EFCAB5: variants seen among roughly 807,000 people sequenced by gnomAD.
EFCAB5 encodes EF-hand calcium-binding domain-containing protein 5.
Under a neutral mutation model 167.9 loss-of-function variants are expected in EFCAB5, and 131 were observed. The ratio of observed to expected loss-of-function variants is 0.78; its 90% CI spans 0.68 to 0.90. The LOEUF (loss-of-function observed/expected upper bound fraction) is 0.90. Ranked by LOEUF, EFCAB5 falls within the 40% of genes least tolerant of loss-of-function variation. The pLI is 0.00. For synonymous variants in EFCAB5, 574 were observed against 602.8 expected (o/e 0.95, Z 0.70); for missense variants, 1,663 against 1,745.2 (o/e 0.95, Z 0.84).
intron 8 of EFCAB5, among the ~76,000 whole-genome samples, chr17:30,050,327 G>A (rs552237124): frequency 1.3e-5 from 2 of 152,046 alleles, no homozygotes; most frequent in Non-Finnish European, 2.9e-5. Flanking sequence ...TAGAGACAGG[G>A]TTTCTCTGCG....
intron 14 of EFCAB5, among the ~76,000 whole-genome samples, chr17:30,062,576 C>T (rs1404192982): frequency 6.6e-6 from 1 of 152,216 alleles, no homozygotes; most frequent in Non-Finnish European, 1.5e-5. Flanking sequence ...AGTGCCCTGA[C>T]CCTTGTGGCC....
At chr17:29,986,027 CA>C (rs2068275280) in intron 4 of EFCAB5, among the ~76,000 whole-genome samples, 1 of 152,220 alleles carries the variant, frequency 6.6e-6, no homozygotes, top group South Asian at 2.1e-4. Context: ...GCACAATCAT[CA>C]TTGAAATCAC....
intron 14 of EFCAB5, 105 bp downstream of exon 14, chr17:30,059,806 A>G (rs2070376791): frequency 1.2e-6 from 1 of 830,984 alleles, no homozygotes. Flanking sequence ...AAACCACTAG[A>G]TAACCCTTCA....
intron 8 of EFCAB5, among the ~76,000 whole-genome samples, chr17:30,050,626 C>T (rs1246559572): frequency 6.6e-6 from 1 of 152,136 alleles, no homozygotes; most frequent in African/African-American, 2.4e-5. Flanking sequence ...ATGGAGGTCT[C>T]ACTGTGTTGC....
chr17:30,103,491 T>C (rs1325690977), intron 22 of EFCAB5, among the ~76,000 whole-genome samples: 11 of 152,212 alleles, frequency 7.2e-5, no homozygotes, highest in African/African-American at 2.6e-4. Context: ...GAAACTGATA[T>C]ACGTGCAAGA....
At chr17:30,106,096 T>C (rs1269798922) in intron 22 of EFCAB5, among the ~76,000 whole-genome samples, 1 of 151,940 alleles carries the variant, frequency 6.6e-6, no homozygotes, top group Middle Eastern at 3.2e-3. Context: ...AATAAGCTAT[T>C]GGATAGAAGA....
chr17:29,970,785 T>G (rs1196537266), intron 4 of EFCAB5, among the ~76,000 whole-genome samples: 1 of 152,066 alleles, frequency 6.6e-6, no homozygotes, highest in Non-Finnish European at 1.5e-5. Flanking sequence ...TGCCCTAAAG[T>G]TTTTTGCAGC....
At chr17:29,991,211 C>A (rs1162675249) in intron 4 of EFCAB5, among the ~76,000 whole-genome samples, 1 of 152,184 alleles carries the variant, frequency 6.6e-6, no homozygotes, top group African/African-American at 2.4e-5. Context: ...ACTGTCACTC[C>A]AGTGACCCTT....
intron 1 of EFCAB5, chr17:29,930,098 G>A: frequency 9.7e-7 from 1 of 1,028,802 alleles, no homozygotes; most frequent in South Asian, 1.4e-5. Context: ...GTGCGGGGTG[G>A]GGGTGAAGGG....
chr17:29,961,672 G>C (rs1012495471), intron 3 of EFCAB5, among the ~76,000 whole-genome samples: 1 of 151,880 alleles, frequency 6.6e-6, no homozygotes, highest in African/African-American at 2.4e-5. Context: ...CTGCAACCTT[G>C]ACCTCCTGGG....
At chr17:29,998,475 A>G (rs1415121849) in intron 6 of EFCAB5, among the ~76,000 whole-genome samples, 2 of 152,212 alleles carry the variant, frequency 1.3e-5, no homozygotes, top group Non-Finnish European at 2.9e-5. Context: ...GAATGCAAAG[A>G]GGACTGACAA....
At chr17:30,020,883 A>AGCT (rs1324081654) in intron 7 of EFCAB5, among the ~76,000 whole-genome samples, 3 of 152,204 alleles carry the variant, frequency 2.0e-5, no homozygotes, top group African/African-American at 4.8e-5. Context: ...TGTGTATGCC[A>AGCT]GCTGTTGGGG....
At chr17:29,979,147 C>T (rs2068121250) in intron 4 of EFCAB5, among the ~76,000 whole-genome samples, 7 of 152,032 alleles carry the variant, frequency 4.6e-5, no homozygotes, top group Admixed American at 4.6e-4. Flanking sequence ...GTCAGGAGTT[C>T]AAGACCAGCC....
chr17:30,001,250 C>T (rs897281854), intron 7 of EFCAB5, among the ~76,000 whole-genome samples: 1 of 152,078 alleles, frequency 6.6e-6, no homozygotes, highest in Non-Finnish European at 1.5e-5. Flanking sequence ...CAGTCACCTC[C>T]ATAAATTAAA....
chr17:29,957,011 C>T (rs532730865), intron 3 of EFCAB5, among the ~76,000 whole-genome samples: 2 of 152,282 alleles, frequency 1.3e-5, no homozygotes, highest in South Asian at 4.1e-4. Context: ...TAAAAATGGG[C>T]ATCCTTATTT....
intron 14 of EFCAB5, among the ~76,000 whole-genome samples, chr17:30,068,457 CA>C (rs1336912947): frequency 1.3e-5 from 2 of 151,952 alleles, no homozygotes; most frequent in Non-Finnish European, 2.9e-5. Context: ...AAGACGTCTA[CA>C]AGGAAAACTA....
intron 12 of EFCAB5, 49 bp downstream of exon 12, chr17:30,056,205 A>T (rs1567747068): frequency 1.3e-6 from 2 of 1,501,662 alleles, no homozygotes; most frequent in Non-Finnish European, 1.8e-6. Context: ...CAATAGATGG[A>T]TTTAATTTAC....
At chr17:30,056,255 G>T in intron 12 of EFCAB5, 99 bp downstream of exon 12, 1 of 1,059,016 alleles carries the variant, frequency 9.4e-7, no homozygotes, top group Non-Finnish European at 1.4e-6. Context: ...AGCTAAGGCA[G>T]AATGGGAAGG....
chr17:29,977,534 T>C (rs2068085947), intron 4 of EFCAB5, among the ~76,000 whole-genome samples: 1 of 152,226 alleles, frequency 6.6e-6, no homozygotes, highest in African/African-American at 2.4e-5. Flanking sequence ...TTTTCCTGTA[T>C]AATGCATACC....
Sources: gnomAD v4.1 joint callset for allele counts (sites outside exome capture counted in the v4.1 genomes callset) on GRCh38, gnomAD v4.1.1 for gene constraint, MANE v1.5 for transcripts, NCBI Gene and HGNC (gene_info 2026-07-23, HGNC 2026-07-21) for gene names.